ADGB: variants seen among roughly 807,000 people sequenced by gnomAD.
ADGB encodes calpain-7-like protein.
In ADGB, 172 loss-of-function variants were observed where a neutral mutation model predicts 210.5. That is an observed-to-expected ratio of 0.82 (90% confidence interval 0.72 to 0.93). ADGB has a LOEUF of 0.93. ADGB is among the 40% of genes least tolerant of loss of function. ADGB has a pLI of 0.00. For synonymous variants in ADGB, 658 were observed against 662.7 expected (o/e 0.99, Z 0.11); for missense variants, 2,025 against 1,964.8 (o/e 1.03, Z -0.58).
chr6:146,657,430 A>G (rs1775802023), intron 5 of ADGB, among the ~76,000 whole-genome samples: 1 of 152,170 alleles, frequency 6.6e-6, no homozygotes, highest in Admixed American at 6.5e-5. Flanking sequence ...TTTTTATAGG[A>G]TATCAATTGT....
At chr6:146,625,849 A>G (rs1460267154) in intron 1 of ADGB, among the ~76,000 whole-genome samples, 1 of 151,966 alleles carries the variant, frequency 6.6e-6, no homozygotes, top group Non-Finnish European at 1.5e-5. Context: ...ATACAGTTAG[A>G]TCTTGTTTTT....
intron 8 of ADGB, among the ~76,000 whole-genome samples, chr6:146,674,763 T>C (rs1374534174): frequency 6.6e-6 from 1 of 152,170 alleles, no homozygotes; most frequent in African/African-American, 2.4e-5. Context: ...TTTTGCCAGA[T>C]GGGTGGGATG....
intron 16 of ADGB, among the ~76,000 whole-genome samples, chr6:146,720,829 T>A (rs1776801483): frequency 6.6e-6 from 1 of 152,148 alleles, no homozygotes; most frequent in Non-Finnish European, 1.5e-5. Context: ...GCTCCCGTGA[T>A]TCAATCACCT....
chr6:146,657,645 C>A (rs1562266661), intron 5 of ADGB, among the ~76,000 whole-genome samples: 1 of 152,128 alleles, frequency 6.6e-6, no homozygotes, highest in Non-Finnish European at 1.5e-5. Flanking sequence ...GTGGATGCAC[C>A]GGGCTTCCAC....
At chr6:146,779,031 T>G (rs1777759676) in intron 29 of ADGB, among the ~76,000 whole-genome samples, 2 of 151,034 alleles carry the variant, frequency 1.3e-5, no homozygotes, top group African/African-American at 4.9e-5. Context: ...CATTTTAACT[T>G]GTCCCATTCC....
At chr6:146,611,872 TAA>T (rs1453554375) in intron 1 of ADGB, among the ~76,000 whole-genome samples, 1 of 152,210 alleles carries the variant, frequency 6.6e-6, no homozygotes, top group Non-Finnish European at 1.5e-5. Context: ...GGATTTTGGT[TAA>T]AGTCTTTATG....
At chr6:146,791,582 A>G (rs1331528652) in intron 33 of ADGB, among the ~76,000 whole-genome samples, 1 of 152,110 alleles carries the variant, frequency 6.6e-6, no homozygotes, top group Non-Finnish European at 1.5e-5. Flanking sequence ...GGCTCAAGGA[A>G]TCCTCCAGCC....
intron 28 of ADGB, among the ~76,000 whole-genome samples, chr6:146,767,981 A>G (rs1253913591): frequency 6.6e-6 from 1 of 152,214 alleles, no homozygotes; most frequent in Non-Finnish European, 1.5e-5. Flanking sequence ...GCCTTTAATA[A>G]TAGCAGCAAC....
At chr6:146,779,861 T>C (rs1460587003) in intron 29 of ADGB, among the ~76,000 whole-genome samples, 1 of 49,684 alleles carries the variant, frequency 2.0e-5, no homozygotes, top group Non-Finnish European at 3.8e-5. Context: ...GTCTTCCAGC[T>C]ATAAAAAAAA....
Position 146,634,805 on chromosome 6 carries a change from T to A in ADGB, c.75-570T>A, listed in dbSNP as rs542552272. Reference sequence around the variant, plus strand: ...ATGAAAGTGAAAAATTAAAAAATTTTAAAAATCGACCACCCCCCCAAATTT... The same window carrying A: ...ATGAAAGTGAAAAATTAAAAAATTTAAAAAATCGACCACCCCCCCAAATTT... On this transcript the variant is annotated intron_variant, in intron 1 of 35. Transcript: ENST00000397944. Among the ~76,000 whole-genome samples the A allele has an allele frequency of 2.6e-5, 4 of 152,028 alleles. No homozygotes were observed. In the South Asian group the frequency reaches 8.3e-4, roughly 32 times the overall value.
At chr6:146,797,810 A>G (rs925377896) in intron 33 of ADGB, among the ~76,000 whole-genome samples, 3 of 152,148 alleles carry the variant, frequency 2.0e-5, no homozygotes, top group Non-Finnish European at 2.9e-5. Context: ...ATCGGGTACA[A>G]TGTACACAGC....
intron 1 of ADGB, among the ~76,000 whole-genome samples, chr6:146,627,228 T>C (rs1780987340): frequency 6.6e-6 from 1 of 152,176 alleles, no homozygotes; most frequent in South Asian, 2.1e-4. Flanking sequence ...TAGTTAATTC[T>C]AACACCTGTG....
In ADGB at chr6:146,785,593, T is replaced by C; in HGVS notation, c.4213-17T>C. 1 of 1,543,738 alleles carries C rather than the reference T, an allele frequency of 6.5e-7. No homozygotes were observed. The highest frequency in any genetic ancestry group is 8.8e-7 in the Non-Finnish European group (1 of 1,140,278). ...TTTTGAAGAGCTTTTAAAAAGCTGC[T>C]CATGTTTGTTTTTTAGGCTTCTCAG... is the stretch of plus-strand genomic sequence containing the variant. On this transcript the variant is annotated splice_polypyrimidine_tract_variant and intron_variant, in intron 31 of 35. Transcript: ENST00000397944.
chr6:146,753,751 C>A (rs908608288), intron 27 of ADGB, among the ~76,000 whole-genome samples: 1 of 151,580 alleles, frequency 6.6e-6, no homozygotes, highest in Non-Finnish European at 1.5e-5. Flanking sequence ...TAGAATGAAA[C>A]CTATTTGGCC....
chr6:146,740,002 A>G (rs1041695487), intron 23 of ADGB, among the ~76,000 whole-genome samples: 1 of 152,206 alleles, frequency 6.6e-6, no homozygotes, highest in Non-Finnish European at 1.5e-5. Flanking sequence ...GCATAGCCTT[A>G]AATTTTTAAA....
At chr6:146,798,605 A>G (rs1778079776) in intron 33 of ADGB, among the ~76,000 whole-genome samples, 1 of 151,672 alleles carries the variant, frequency 6.6e-6, no homozygotes, top group African/African-American at 2.4e-5. Context: ...AAACACATCA[A>G]TCTTAGAAAC....
chr6:146,719,925 TA>T (rs1162261929), intron 16 of ADGB, among the ~76,000 whole-genome samples: 1 of 152,084 alleles, frequency 6.6e-6, no homozygotes, highest in South Asian at 2.1e-4. Flanking sequence ...AAATGGAACA[TA>T]GGGGGAGGAG....
At chr6:146,696,793 C>T (rs1248440284) in intron 12 of ADGB, among the ~76,000 whole-genome samples, 1 of 152,026 alleles carries the variant, frequency 6.6e-6, no homozygotes, top group Non-Finnish European at 1.5e-5. Flanking sequence ...TGGGATATTG[C>T]CTGGAGACAG....
chr6:146,778,373 A>C (rs995275724), intron 29 of ADGB, among the ~76,000 whole-genome samples: 3 of 152,188 alleles, frequency 2.0e-5, no homozygotes, highest in Non-Finnish European at 4.4e-5. Context: ...TGCCACCCCA[A>C]AGTTTATGGC....
Sources: allele counts gnomAD v4.1 joint callset (sites outside exome capture counted in the v4.1 genomes callset), GRCh38; gene constraint gnomAD v4.1.1; transcripts MANE v1.5; gene names NCBI Gene and HGNC (gene_info 2026-07-23, HGNC 2026-07-21).